The following LPA variants were observed in gnomAD, a reference collection of about 807,000 sequenced individuals.
The protein encoded by LPA is apolipoprotein(a).
A neutral mutation model predicts 197.9 loss-of-function variants in LPA; 199 were observed. The observed-to-expected ratio is 1.01, with a 90% CI of 0.90 to 1.13. The LOEUF is 1.13. LPA is among the 50% of genes most tolerant of loss of function. LPA has a pLI of 0.00. For missense variants in LPA, 1,853 were observed against 1,785.8 expected (o/e 1.04, Z -0.68); for synonymous variants, 715 against 639.5 (o/e 1.12, Z -1.78).
At chr6:160,653,276 A>C (rs1052475043) in intron 1 of LPA, among the ~76,000 whole-genome samples, 5 of 152,136 alleles carry the variant, frequency 3.3e-5, no homozygotes, top group African/African-American at 1.2e-4. Flanking sequence ...AAAATATATA[A>C]AACAGAGTTA....
In LPA at chr6:160,547,850, T is replaced by C. The variant is rs769096266; in HGVS notation, c.5243A>G (p.Glu1748Gly). 1.2e-5 allele frequency: 19 copies of C among 1,614,134 alleles called. No homozygotes were observed. Among genetic ancestry groups the C allele is most frequent in the Non-Finnish European group, 1.6e-5 (19 of 1,180,016 alleles). ...GTPCQEWAAQ[E>G]PHRHSTFIPG... ...AATGAACGTGCTGTGTCTATGGGGC[T>C]CCTGGGCAGCCCATTCCTGGCATGG... The change falls in exon 32 of 39, where the codon GAG becomes GGG. Residue 1748 changes from glutamate (E) to glycine (G), a missense_variant. Physicochemically the swap from Glu to Gly is moderately conservative, Grantham distance 98 (BLOSUM62 -2). Coordinates refer to ENST00000316300, the MANE Select transcript of LPA (RefSeq NM_005577.4).
chr6:160,608,516 T>C (rs1006955793), intron 16 of LPA, among the ~76,000 whole-genome samples: 2 of 152,188 alleles, frequency 1.3e-5, no homozygotes, highest in African/African-American at 2.4e-5. Context: ...TCATAAGAAG[T>C]TTCTTGTTAT....
intron 1 of LPA, among the ~76,000 whole-genome samples, chr6:160,661,467 G>C (rs531565489): frequency 4.7e-4 from 72 of 152,302 alleles, no homozygotes; most frequent in African/African-American, 1.7e-3. Flanking sequence ...CAGATGAACA[G>C]ATTCTCATTC....
chr6:160,548,534 AC>A lies in LPA; in HGVS notation c.5098del (p.Val1700TrpfsTer13). 1.2e-6 allele frequency: 2 copies of A among 1,614,124 alleles called. No individual in the cohort carries two copies. The highest frequency in any genetic ancestry group is 1.1e-5 in the South Asian group (1 of 91,080). On this transcript the variant is annotated frameshift_variant, in exon 31 of 39. Transcript: ENST00000316300. LOFTEE classifies it high-confidence loss of function. ...CTGGATGACAGTCGGAGGAGCGACC[AC>A]AGTCCCTTCTGTGTCTGAGCATCGC... is the stretch of plus-strand genomic sequence containing the variant. Reference protein sequence around the residue: ...LTRCSDTEGTVVAPPTVIQVP... With the variant: ...LTRCSDTEGTXVAPPTVIQVP...
intron 18 of LPA, among the ~76,000 whole-genome samples, chr6:160,604,095 C>A (rs757028849): frequency 6.6e-6 from 1 of 152,166 alleles, no homozygotes; most frequent in Non-Finnish European, 1.5e-5. Context: ...GCCAAAGATT[C>A]GAGGAGACTA....
chr6:160,654,370 T>C (rs1780095638), intron 1 of LPA, among the ~76,000 whole-genome samples: 1 of 151,644 alleles, frequency 6.6e-6, no homozygotes, highest in Admixed American at 6.6e-5. Flanking sequence ...AGATGGTGTG[T>C]ACCCAGATTA....
Position 160,589,086 on chromosome 6 carries a change from A to G in LPA, c.3947+467T>C, listed in dbSNP as rs10455872. ...TCAGACACCTTGTTCTCAGAACCCA[A>G]TGTGTTTATACAGGTTAGAGGAGAA... is the stretch of plus-strand genomic sequence containing the variant. On this transcript the variant is annotated intron_variant, in intron 24 of 38. Coordinates refer to ENST00000316300, the MANE Select transcript of LPA (RefSeq NM_005577.4). Among the ~76,000 whole-genome samples, 6,463 of 152,252 alleles carry G rather than the reference A, an allele frequency of 0.042. 192 individuals are homozygous for G. Among genetic ancestry groups the G allele is most frequent in the Non-Finnish European group, 0.069 (4,723 of 68,006 alleles).
intron 21 of LPA, among the ~76,000 whole-genome samples, chr6:160,595,048 A>G (rs558663482): frequency 6.6e-6 from 1 of 152,326 alleles, no homozygotes; most frequent in African/African-American, 2.4e-5. Flanking sequence ...CAAATTTGGC[A>G]AAATGTTAGA....
rs1778987026 is a variant in LPA, at chr6:160,589,669, A to T, written c.3831T>A (p.Gly1277=). The change falls in exon 24 of 39, where the codon GGT becomes GGA. Residue 1277 remains glycine (G), a synonymous_variant. Transcript: ENST00000316300. Reference sequence around the variant, plus strand: ...ATGAGCCTCGATAACTCTGTCCATCACCATGGTAGCAGTCCTGGACTGTGG... The same window carrying T: ...ATGAGCCTCGATAACTCTGTCCATCTCCATGGTAGCAGTCCTGGACTGTGG... ...QSPTVQDCYH[G]DGQSYRGSFS... 5 of 1,613,932 alleles carry T rather than the reference A, an allele frequency of 3.1e-6. 1 individual carries two copies. In the South Asian group the frequency reaches 5.5e-5, roughly 18 times the overall value.
chr6:160,611,574 T>G lies in LPA; in HGVS notation c.2591A>C (p.Tyr864Ser). ...AACAAAGACATACGCATTTGGGTAG[T>G]ATTCTGGGGTCCGACTATGCGAGTG... ...TPHSHSRTPE[Y>S]YPNAGLIMNY... The change falls in exon 16 of 39, where the codon TAC becomes TCC. Residue 864 changes from tyrosine to serine, a missense_variant. Coordinates refer to ENST00000316300, the MANE Select transcript of LPA (RefSeq NM_005577.4). The G allele has an allele frequency of 6.2e-7, 1 of 1,605,998 alleles. No homozygotes were observed.
intron 1 of LPA, among the ~76,000 whole-genome samples, chr6:160,657,721 C>T (rs1209751161): frequency 2.0e-5 from 3 of 152,074 alleles, no homozygotes; most frequent in Non-Finnish European, 2.9e-5. Flanking sequence ...TCTAAGTCCC[C>T]GAGCTGCAAC....
chr6:160,609,040 C>A (rs1311222083), intron 16 of LPA, among the ~76,000 whole-genome samples: 1 of 152,054 alleles, frequency 6.6e-6, no homozygotes, highest in Admixed American at 6.6e-5. Flanking sequence ...CTAGTCAATA[C>A]TGTTACTTTC....
At chr6:160,575,621 T>C (rs1435962566) in intron 28 of LPA, among the ~76,000 whole-genome samples, 1 of 152,196 alleles carries the variant, frequency 6.6e-6, no homozygotes, top group Non-Finnish European at 1.5e-5. Context: ...TCAACTCTGT[T>C]TCCAAAGAGT....
At chr6:160,663,988 C>G (rs879249274) in intron 1 of LPA, among the ~76,000 whole-genome samples, 178 bp downstream of exon 1, 1 of 152,092 alleles carries the variant, frequency 6.6e-6, no homozygotes, top group African/African-American at 2.4e-5. Context: ...CCGTGACAGT[C>G]TTCACGGGGA....
At chr6:160,564,207 T>C (rs1162901454) in intron 28 of LPA, among the ~76,000 whole-genome samples, 1 of 152,212 alleles carries the variant, frequency 6.6e-6, no homozygotes, top group Non-Finnish European at 1.5e-5. Context: ...TGTTACTGGT[T>C]TTTCCTTTCC....
At chr6:160,602,388 T>A (rs2115056426) in intron 18 of LPA, among the ~76,000 whole-genome samples, 1 of 152,332 alleles carries the variant, frequency 6.6e-6, no homozygotes, top group African/African-American at 2.4e-5. Flanking sequence ...GGTAAGAAAC[T>A]TACAATGGTA....
In LPA at chr6:160,547,065, G is replaced by A. The variant is rs575141008; in HGVS notation, c.5304+724C>T. ...AAGGCAATTTTTCTGTGCACCTGGGGTGAGGGGGCGATGGTTAAAGGATGA... is the reference window on the plus strand; with the variant it reads ...AAGGCAATTTTTCTGTGCACCTGGGATGAGGGGGCGATGGTTAAAGGATGA... On this transcript the variant is annotated intron_variant, in intron 32 of 38. Coordinates refer to ENST00000316300, the MANE Select transcript of LPA (RefSeq NM_005577.4). Among the ~76,000 whole-genome samples, 64 of 152,264 alleles carry A rather than the reference G, an allele frequency of 4.2e-4. 2 individuals carry two copies. In the South Asian group the frequency reaches 0.013, roughly 31 times the overall value.
At position 160,531,799 on chromosome 6, in the gene LPA, T is replaced by C. The variant is rs1309145441; in HGVS notation, c.6053A>G (p.Asn2018Ser). 1.9e-6 allele frequency: 3 copies of C among 1,614,144 alleles called. No homozygotes were observed. The highest frequency in any genetic ancestry group is 4.5e-5 in the East Asian group (2 of 44,886). The change falls in exon 39 of 39, where the codon AAT becomes AGT. Residue 2018 changes from asparagine (N) to serine (S), a missense_variant. Coordinates refer to ENST00000316300, the MANE Select transcript of LPA (RefSeq NM_005577.4). Reference protein sequence around the residue: ...TSWGLGCARPNKPGVYARVSR... With the variant: ...TSWGLGCARPSKPGVYARVSR... ...AACACGAGCATAGACACCAGGCTTATTGGGGCGTGCACAGCCAAGACCCCA... is the reference window on the plus strand; with the variant it reads ...AACACGAGCATAGACACCAGGCTTACTGGGGCGTGCACAGCCAAGACCCCA...
intron 1 of LPA, among the ~76,000 whole-genome samples, chr6:160,663,139 C>T (rs911437870): frequency 1.3e-5 from 2 of 152,230 alleles, no homozygotes; most frequent in African/African-American, 2.4e-5. Flanking sequence ...GGCAGGACTG[C>T]TGCATTTCTT....
Sources: allele counts gnomAD v4.1 joint callset (sites outside exome capture counted in the v4.1 genomes callset), GRCh38; gene constraint gnomAD v4.1.1; transcripts MANE v1.5; gene names NCBI Gene and HGNC (gene_info 2026-07-23, HGNC 2026-07-21).